Variants in FOXN2 observed in about 807,000 individuals in gnomAD.
FOXN2 encodes forkhead box protein N2.
A neutral mutation model predicts 41.2 loss-of-function variants in FOXN2; 19 were observed. The ratio of observed to expected loss-of-function variants is 0.46; its 90% CI spans 0.32 to 0.68. FOXN2 has a LOEUF of 0.68. Ranked by LOEUF, FOXN2 falls within the 30% of genes least tolerant of loss-of-function variation. The pLI is 0.03. For synonymous variants in FOXN2, 195 were observed against 176.8 expected (o/e 1.10, Z -0.82); for missense variants, 587 against 509.4 (o/e 1.15, Z -1.47).
intron 2 of FOXN2, 69 bp from the exon 3 acceptor site, chr2:48,346,132 A>G: frequency 7.5e-7 from 1 of 1,339,262 alleles, no homozygotes; most frequent in Non-Finnish European, 1.0e-6. Context: ...ATATTTACAT[A>G]TGTATTTTCT....
At chr2:48,318,115 A>G (rs150236497) in intron 1 of FOXN2, among the ~76,000 whole-genome samples, 2 of 152,304 alleles carry the variant, frequency 1.3e-5, no homozygotes, top group Non-Finnish European at 2.9e-5. Context: ...GAAAAGTTGC[A>G]AGCTAGTATA....
intron 1 of FOXN2, 72 bp from the exon 2 acceptor site, chr2:48,328,489 A>G (rs1464574979): frequency 6.6e-6 from 1 of 152,210 alleles, no homozygotes; most frequent in Non-Finnish European, 1.5e-5. Context: ...TAACGACAAG[A>G]AAAAAAGTCT....
chr2:48,336,430 T>TAG (rs1491170004), intron 2 of FOXN2, among the ~76,000 whole-genome samples: 6 of 141,228 alleles, frequency 4.2e-5, no homozygotes. Context: ...TATATATATA[T>TAG]GTATATGTGT....
At chr2:48,336,415 A>G (rs1471876684) in intron 2 of FOXN2, among the ~76,000 whole-genome samples, 1 of 137,192 alleles carries the variant, frequency 7.3e-6, no homozygotes, top group Non-Finnish European at 1.6e-5. Flanking sequence ...TTCCAAAAAA[A>G]AAAATATATA....
chr2:48,314,235 T>A (rs964574639), upstream of FOXN2, among the ~76,000 whole-genome samples: 8 of 152,254 alleles, frequency 5.3e-5, no homozygotes, highest in African/African-American at 1.9e-4. Context: ...CGTACTGCCC[T>A]GCGGCAGCCT....
At chr2:48,373,482 G>A in intron 6 of FOXN2, 122 bp downstream of exon 6, 1 of 597,080 alleles carries the variant, frequency 1.7e-6, no homozygotes, top group Non-Finnish European at 2.9e-6. Flanking sequence ...TTTGATCTGA[G>A]TAACTCAGTT....
At chr2:48,364,864 A>T (rs898868224) in intron 5 of FOXN2, among the ~76,000 whole-genome samples, 1 of 152,248 alleles carries the variant, frequency 6.6e-6, no homozygotes, top group African/African-American at 2.4e-5. Flanking sequence ...AAAGCCTAAA[A>T]TATTTACCTT....
intron 3 of FOXN2, among the ~76,000 whole-genome samples, chr2:48,351,823 C>T (rs1671469174): frequency 6.6e-6 from 1 of 152,052 alleles, no homozygotes; most frequent in South Asian, 2.1e-4. Context: ...GACCCCTAAA[C>T]TAAAAGATTT....
At chr2:48,355,995 T>TA (rs1186328382) in intron 3 of FOXN2, among the ~76,000 whole-genome samples, 4 of 152,168 alleles carry the variant, frequency 2.6e-5, no homozygotes, top group Non-Finnish European at 5.9e-5. Flanking sequence ...CAGTGGCACT[T>TA]ACACCTGTAA....
intron 2 of FOXN2, among the ~76,000 whole-genome samples, chr2:48,332,441 T>TA (rs1323246927): frequency 6.6e-6 from 1 of 152,108 alleles, no homozygotes; most frequent in Non-Finnish European, 1.5e-5. Context: ...ACAAATATAA[T>TA]AAGGAAGTGA....
chr2:48,337,861 G>GA (rs1338872343), intron 2 of FOXN2, among the ~76,000 whole-genome samples: 11 of 152,074 alleles, frequency 7.2e-5, no homozygotes, highest in Non-Finnish European at 1.5e-4. Flanking sequence ...GGAAAAAATT[G>GA]AAAAGTTTTT....
At chr2:48,319,149 A>T (rs1317008977) in intron 1 of FOXN2, among the ~76,000 whole-genome samples, 1 of 146,010 alleles carries the variant, frequency 6.8e-6, no homozygotes, top group Non-Finnish European at 1.5e-5. Context: ...TGCCACTCAA[A>T]AGCCTTTTTT....
In FOXN2 at chr2:48,326,906, A is replaced by G. The variant is rs145475004; in HGVS notation, c.-156-1655A>G. On this transcript the variant is annotated intron_variant, in intron 1 of 6. Coordinates refer to ENST00000340553, the MANE Select transcript of FOXN2 (RefSeq NM_002158.4). ...ATTCCAAAGTCCCAAAAAATCCCCAATCCAAAGCATTCTGGTCTCAAGAAT... is the reference window on the plus strand; with the variant it reads ...ATTCCAAAGTCCCAAAAAATCCCCAGTCCAAAGCATTCTGGTCTCAAGAAT... Among the ~76,000 whole-genome samples the G allele has an allele frequency of 1.4e-4, 21 of 152,278 alleles. No individual in the cohort carries two copies. The East Asian group carries it at 3.5e-3, about 25-fold the overall frequency.
Position 48,337,291 on chromosome 2 carries a change from CT to C in FOXN2, c.-15+8605del, listed in dbSNP as rs368224826. On this transcript the variant is annotated intron_variant, in intron 2 of 6. Coordinates refer to ENST00000340553, the MANE Select transcript of FOXN2 (RefSeq NM_002158.4). The stretch of plus-strand genomic sequence containing the variant: ...CATGTTGTTGCATATGATTGGATCT[CT>C]TTTTTTTTTTTTTTTAAAGTGAGAC... 4.7e-3 allele frequency among the ~76,000 whole-genome samples: 656 copies of C among 140,440 alleles called. 1 individual carries two copies. Among genetic ancestry groups the C allele is most frequent in the African/African-American group, 7.5e-3 (286 of 38,104 alleles). 92.1% of individuals were successfully genotyped at this position (140,440 alleles called of 152,430 possible). A position where few individuals can be genotyped will look rare whatever the true frequency, so the allele number is the denominator to read the frequency against.
rs375849174 is a variant in FOXN2 at position 48,365,635 on chromosome 2, G to T, written c.703+2928G>T. On this transcript the variant is annotated intron_variant, in intron 5 of 6. Coordinates refer to ENST00000340553, the MANE Select transcript of FOXN2 (RefSeq NM_002158.4). ...GTACTTCTTCTTCATCTAATGACTT[G>T]TACGTATTATGCATCATCTGTCTAG... Among the ~76,000 whole-genome samples the T allele has an allele frequency of 2.8e-4, 42 of 152,166 alleles. 2 individuals are homozygous for T. In the South Asian group the frequency reaches 8.7e-3, roughly 32 times the overall value.
chr2:48,331,198 A>G lies in FOXN2; in HGVS notation c.-15+2496A>G, dbSNP rs149890449. 5.1e-3 allele frequency among the ~76,000 whole-genome samples: 783 copies of G among 152,290 alleles called. 1 individual carries two copies. Among genetic ancestry groups the G allele is most frequent in the Non-Finnish European group, 8.9e-3 (607 of 67,998 alleles). ...TGCTTTGGGCTATCAAGAATTGACT[A>G]TTGTATTTTGTTTTGATCTGAGTCT... is the stretch of plus-strand genomic sequence containing the variant. On this transcript the variant is annotated intron_variant, in intron 2 of 6. Transcript: ENST00000340553.
intron 2 of FOXN2, among the ~76,000 whole-genome samples, chr2:48,335,895 G>T (rs924710467): frequency 7.2e-5 from 11 of 151,912 alleles, no homozygotes; most frequent in African/African-American, 2.4e-4. Flanking sequence ...AGGCGTGGTG[G>T]CAGGCGCCTA....
At chr2:48,331,960 A>G (rs952802104) in intron 2 of FOXN2, among the ~76,000 whole-genome samples, 3 of 152,128 alleles carry the variant, frequency 2.0e-5, no homozygotes, top group Non-Finnish European at 2.9e-5. Flanking sequence ...CGTGTTATTT[A>G]TATATTTTTC....
chr2:48,362,598 G>A (rs746223319), intron 4 of FOXN2, 45 bp from the exon 5 acceptor site: 4 of 1,554,726 alleles, frequency 2.6e-6, no homozygotes, highest in Middle Eastern at 1.7e-4. Context: ...AAAAAGTGAA[G>A]TAAACATTTT....
Sources: gnomAD v4.1 joint callset for allele counts (sites outside exome capture counted in the v4.1 genomes callset) on GRCh38, gnomAD v4.1.1 for gene constraint, MANE v1.5 for transcripts, NCBI Gene and HGNC (gene_info 2026-07-23, HGNC 2026-07-21) for gene names.